METTL27: variants seen among roughly 807,000 people sequenced by gnomAD.
METTL27 encodes the protein methyltransferase-like protein 27.
Under a neutral mutation model 24.5 loss-of-function variants are expected in METTL27, and 29 were observed. That is an observed-to-expected ratio of 1.18 (90% confidence interval 0.88 to 1.61). METTL27 has a LOEUF of 1.61. Ranked by LOEUF, METTL27 falls within the 40% of genes most tolerant of loss-of-function variation. The probability of loss-of-function intolerance (pLI) is 0.00; values close to 1 mark genes in which losing one functional copy is unlikely to be tolerated. For missense variants in METTL27, 341 were observed against 324.3 expected, an observed-to-expected ratio of 1.05 and a Z score of -0.40; for synonymous variants, 138 against 146.8, an observed-to-expected ratio of 0.94 and a Z score of 0.43.
At position 73,841,063 on chromosome 7, in the gene METTL27, G is replaced by T. The variant is rs782379743; in HGVS notation, c.252+7C>A. On this transcript the variant is annotated splice_region_variant and intron_variant, in intron 3 of 5. Coordinates refer to ENST00000297873, the MANE Select transcript of METTL27 (RefSeq NM_152559.3). ...AGGAGTAGGCAGGGGATCTGGAAGA[G>T]CCTCACCTCGGCAGCCACTAGGCCT... 5 of 1,478,244 alleles carry T rather than the reference G, an allele frequency of 3.4e-6. No homozygotes were observed. The highest frequency in any genetic ancestry group is 1.5e-5 in the African/African-American group (1 of 68,080). 91.6% of individuals were successfully genotyped at this position (1,478,244 alleles called of 1,614,324 possible). A position where few individuals can be genotyped will look rare whatever the true frequency, so the allele number is the denominator to read the frequency against.
intron 1 of METTL27, 52 bp downstream of exon 1, chr7:73,842,438 G>A: frequency 7.9e-6 from 3 of 378,868 alleles, no homozygotes; most frequent in Middle Eastern, 7.0e-4. Flanking sequence ...GGTCGGAGGT[G>A]GGCGACATCC....
chr7:73,838,900 G>A (rs530802773), intron 5 of METTL27, among the ~76,000 whole-genome samples: 15 of 152,236 alleles, frequency 9.9e-5, no homozygotes, highest in South Asian at 4.1e-4. Context: ...GCGCCTCCTC[G>A]TTCTCATGCT....
At chr7:73,835,412 G>C (rs1423043189) in intron 5 of METTL27, among the ~76,000 whole-genome samples, 8 of 144,256 alleles carry the variant, frequency 5.5e-5, no homozygotes, top group African/African-American at 2.1e-4. Context: ...ACGGGGTTTC[G>C]CTGTGTTGGC....
Position 73,841,152 on chromosome 7 carries a change from C to A in METTL27, c.170G>T (p.Cys57Phe). Residue 57 changes from cysteine (C) to phenylalanine (F), a missense_variant, in exon 3 of 6, where the codon TGC (cysteine) becomes TTC (phenylalanine). Cys to Phe is a radical substitution (Grantham distance 205). Coordinates refer to ENST00000297873, the MANE Select transcript of METTL27 (RefSeq NM_152559.3). The stretch of plus-strand genomic sequence containing the variant: ...CGGGCCTGGAAGGGCTTGTGTGAGG[C>A]AGTCCACTGCGAGGCGGGGCGCACG... ...LYRAPRLAVDCLTQALPGPPH... is the reference protein window; with the variant it reads ...LYRAPRLAVDFLTQALPGPPH... 6.5e-7 allele frequency: 1 copy of A among 1,546,960 alleles called. No homozygotes were observed. Among genetic ancestry groups the A allele is most frequent in the Admixed American group, 2.2e-5 (1 of 44,752 alleles).
chr7:73,840,910 C>T (rs1278466125), intron 3 of METTL27, among the ~76,000 whole-genome samples, 160 bp downstream of exon 3: 3 of 152,216 alleles, frequency 2.0e-5, no homozygotes, highest in African/African-American at 7.2e-5. Context: ...GTCCTCCTGC[C>T]TCGGCCTCCC....
At chr7:73,837,317 TAA>T (rs56009726) in intron 5 of METTL27, among the ~76,000 whole-genome samples, 8 of 137,440 alleles carry the variant, frequency 5.8e-5, no homozygotes, top group African/African-American at 1.6e-4. Flanking sequence ...TTAAAAAAAA[TAA>T]AAAAAAATAA....
At chr7:73,839,986 A>C in intron 5 of METTL27, 45 bp downstream of exon 5, 1 of 1,527,284 alleles carries the variant, frequency 6.5e-7, no homozygotes, top group Non-Finnish European at 9.0e-7. Context: ...AGGGGAAGGT[A>C]TATGGTGACG....
intron 5 of METTL27, among the ~76,000 whole-genome samples, chr7:73,835,323 G>T (rs1788137303): frequency 7.0e-6 from 1 of 143,356 alleles, no homozygotes; most frequent in African/African-American, 2.7e-5. Flanking sequence ...CAACCTCCCT[G>T]CCTGACTCTC....
At position 73,840,050 on chromosome 7, in the gene METTL27, C is replaced by T. The variant is rs368771473; in HGVS notation, c.459G>A (p.Glu153=). 2.5e-6 allele frequency: 4 copies of T among 1,610,918 alleles called. No homozygotes were observed. In the African/African-American group the frequency reaches 5.4e-5, roughly 22 times the overall value. ...DGQVPCNAIP[E]LHVTKPGGLV... ...CCTCACCTGGCTTGGTGACATGTAGCTCAGGTATCGCATTGCAGGGCACCT... is the reference window on the plus strand; with the variant it reads ...CCTCACCTGGCTTGGTGACATGTAGTTCAGGTATCGCATTGCAGGGCACCT... The change falls in exon 5 of 6, where the codon GAG becomes GAA. Residue 153 remains glutamate (E), a synonymous_variant. Coordinates refer to ENST00000297873, the MANE Select transcript of METTL27 (RefSeq NM_152559.3).
chr7:73,841,213 C>CTGGGGAA lies in METTL27; in HGVS notation c.124-16_124-15insTTCCCCA. On this transcript the variant is annotated splice_polypyrimidine_tract_variant and intron_variant, in intron 2 of 5. Coordinates refer to ENST00000297873, the MANE Select transcript of METTL27 (RefSeq NM_152559.3). The stretch of plus-strand genomic sequence containing the variant: ...GTGGCCACATCCTGGGGAAAGAGTG[C>CTGGGGAA]CGGGCCTACAACACCGGTGCCCCAG... 1 of 1,554,272 alleles carries CTGGGGAA rather than the reference C, an allele frequency of 6.4e-7. No individual in the cohort carries two copies. Among genetic ancestry groups the CTGGGGAA allele is most frequent in the Non-Finnish European group, 8.6e-7 (1 of 1,157,846 alleles).
intron 5 of METTL27, among the ~76,000 whole-genome samples, chr7:73,837,474 TAAAAAAAAA>T: frequency 1.2e-5 from 1 of 81,860 alleles, no homozygotes; most frequent in African/African-American, 4.5e-5. Flanking sequence ...AATGTTCCAA[TAAAAAAAAA>T]AAAAAAAAAG....
intron 5 of METTL27, 60 bp from the exon 6 acceptor site, chr7:73,835,062 C>G: frequency 1.3e-6 from 2 of 1,525,592 alleles, no homozygotes; most frequent in African/African-American, 1.4e-5. Context: ...TGGGCCATCT[C>G]TGCTGGGGAT....
chr7:73,841,185 A>G lies in METTL27; in HGVS notation c.137T>C (p.Leu46Pro). The change falls in exon 3 of 6, where the codon CTG becomes CCG. Residue 46 changes from leucine (L) to proline (P), a missense_variant. Leu to Pro is a moderately conservative substitution (Grantham distance 98, BLOSUM62 -3). Coordinates refer to ENST00000297873, the MANE Select transcript of METTL27 (RefSeq NM_152559.3). The stretch of plus-strand genomic sequence containing the variant: ...TGCGAGGCGGGGCGCACGGTACAGC[A>G]GGGTGGCCACATCCTGGGGAAAGAG... Reference protein sequence around the residue: ...APDYDQDVATLLYRAPRLAVD... With the variant: ...APDYDQDVATPLYRAPRLAVD... 1 of 1,557,216 alleles carries G rather than the reference A, an allele frequency of 6.4e-7. No homozygotes were observed.
Position 73,836,479 on chromosome 7 carries a change from G to T in METTL27, c.479-1477C>A, listed in dbSNP as rs529230487. 2.2e-4 allele frequency among the ~76,000 whole-genome samples: 31 copies of T among 139,518 alleles called. No individual in the cohort carries two copies. In the South Asian group the frequency reaches 2.8e-3, roughly 12 times the overall value. 91.5% of individuals were successfully genotyped at this position (139,518 alleles called of 152,430 possible). ...GCGCCTCTGCCCGGCCACCCCTACT[G>T]GGAAGTGAGGAGCCCCTCTGCCCGG... On this transcript the variant is annotated intron_variant, in intron 5 of 5. Coordinates refer to ENST00000297873, the MANE Select transcript of METTL27 (RefSeq NM_152559.3).
At chr7:73,841,939 G>T in intron 2 of METTL27, 79 bp downstream of exon 2, 1 of 1,608,956 alleles carries the variant, frequency 6.2e-7, no homozygotes, top group Non-Finnish European at 8.5e-7. Flanking sequence ...GCCGCCCCCG[G>T]GTGCAAGGCT....
rs1788319056 is a variant in METTL27 at position 73,840,440 on chromosome 7, C to G, written c.362G>C (p.Gly121Ala). Reference protein sequence around the residue: ...LYQRLSLCTLGQEPLPSPEGT... With the variant: ...LYQRLSLCTLAQEPLPSPEGT... ...TTCCGGGCTGGGCAGAGGCTCCTGG[C>G]CCAGGGTGCAGAGGCTGAGGCGCTG... is the stretch of plus-strand genomic sequence containing the variant. Residue 121 changes from glycine (G) to alanine (A), a missense_variant, in exon 4 of 6, where the codon GGC becomes GCC. By Grantham distance (60) the Gly-to-Ala change is moderately conservative. Transcript: ENST00000297873. The G allele has an allele frequency of 1.3e-6, 2 of 1,592,542 alleles. No homozygotes were observed. The highest frequency in any genetic ancestry group is 2.7e-5 in the African/African-American group (2 of 74,300).
chr7:73,835,403 CG>C (rs1240231412), intron 5 of METTL27, among the ~76,000 whole-genome samples: 10 of 144,370 alleles, frequency 6.9e-5, no homozygotes, highest in Admixed American at 6.1e-4. Flanking sequence ...TTGGTGGAGA[CG>C]GGGTTTCGCT....
intron 5 of METTL27, 35 bp downstream of exon 5, chr7:73,839,996 G>A (rs577880844): frequency 5.7e-6 from 9 of 1,576,280 alleles, no homozygotes; most frequent in Admixed American, 3.5e-5. Context: ...ATATGGTGAC[G>A]GGGGTTGGGG....
chr7:73,835,831 T>G (rs1788160201), intron 5 of METTL27, among the ~76,000 whole-genome samples: 12 of 93,444 alleles, frequency 1.3e-4, no homozygotes, highest in South Asian at 1.2e-3. Flanking sequence ...CGGCCGCCCA[T>G]TGTCTGAGAT....
Sources: allele counts gnomAD v4.1 joint callset (sites outside exome capture counted in the v4.1 genomes callset), GRCh38; gene constraint gnomAD v4.1.1; transcripts MANE v1.5; gene names NCBI Gene and HGNC (gene_info 2026-07-23, HGNC 2026-07-21).